SGPP1: variants seen among roughly 807,000 people sequenced by gnomAD.
The protein encoded by SGPP1 is hSPP1.
Under a neutral mutation model 33.0 loss-of-function variants are expected in SGPP1, and 21 were observed. That is an observed-to-expected ratio of 0.64 (90% CI 0.45 to 0.92). SGPP1 has a LOEUF of 0.92. SGPP1 is among the 40% of genes least tolerant of loss of function. SGPP1 has a pLI of 0.00. For missense variants in SGPP1, 543 were observed against 589.4 expected (o/e 0.92, Z 0.81); for synonymous variants, 239 against 241.2 (o/e 0.99, Z 0.08).
chr14:63,721,824 T>C (rs1885777331), intron 1 of SGPP1, among the ~76,000 whole-genome samples: 1 of 152,226 alleles, frequency 6.6e-6, no homozygotes, highest in African/African-American at 2.4e-5. Flanking sequence ...AGCATTTGAT[T>C]TCAGTCAACA....
rs940743128 is a variant in SGPP1 at position 63,703,110 on chromosome 14, C to T, written c.685-4452G>A. Among the ~76,000 whole-genome samples the T allele has an allele frequency of 5.9e-5, 9 of 151,892 alleles. No individual in the cohort carries two copies. In the South Asian group the frequency reaches 1.9e-3, roughly 32 times the overall value. On this transcript the variant is annotated intron_variant, in intron 1 of 2. Coordinates refer to ENST00000247225, the MANE Select transcript of SGPP1 (RefSeq NM_030791.4). ...CTAAAGATAGAAAATCCCAAATAAT[C>T]CATGAAGAAAACATATTAGAATTAA...
At chr14:63,700,292 A>G (rs1387002760) in intron 1 of SGPP1, among the ~76,000 whole-genome samples, 2 of 152,108 alleles carry the variant, frequency 1.3e-5, no homozygotes, top group Non-Finnish European at 2.9e-5. Context: ...AACTCTGCAC[A>G]TATTTCCACC....
chr14:63,724,815 G>A (rs1885844804), intron 1 of SGPP1, among the ~76,000 whole-genome samples: 1 of 150,910 alleles, frequency 6.6e-6, no homozygotes, highest in South Asian at 2.1e-4. Flanking sequence ...TTGAGATCAG[G>A]AGATTGCAGA....
At chr14:63,719,932 C>T (rs138068017) in intron 1 of SGPP1, among the ~76,000 whole-genome samples, 364 of 143,378 alleles carry the variant, frequency 2.5e-3, no homozygotes, top group Middle Eastern at 0.014. Context: ...CTGTCCAATA[C>T]GGTGAAACCC....
At chr14:63,722,439 G>C (rs574539279) in intron 1 of SGPP1, among the ~76,000 whole-genome samples, 23 of 151,412 alleles carry the variant, frequency 1.5e-4, no homozygotes, top group African/African-American at 5.3e-4. Flanking sequence ...GCTGAAGTAG[G>C]AGAACTACTT....
chr14:63,710,346 A>G (rs1319742456), intron 1 of SGPP1, among the ~76,000 whole-genome samples: 1 of 152,232 alleles, frequency 6.6e-6, no homozygotes, highest in Non-Finnish European at 1.5e-5. Context: ...ATAACATACA[A>G]TAATTATAAA....
intron 1 of SGPP1, among the ~76,000 whole-genome samples, chr14:63,717,525 T>G (rs575567193): frequency 6.6e-6 from 1 of 152,220 alleles, no homozygotes; most frequent in Non-Finnish European, 1.5e-5. Flanking sequence ...GGTTTCACCA[T>G]GTTAGCCAGA....
At chr14:63,688,833 T>C (rs1026484628) in intron 2 of SGPP1, among the ~76,000 whole-genome samples, 1 of 151,866 alleles carries the variant, frequency 6.6e-6, no homozygotes, top group African/African-American at 2.4e-5. Context: ...GCCATTCTCC[T>C]GCCTCGGCCT....
At chr14:63,708,897 C>T (rs916558035) in intron 1 of SGPP1, among the ~76,000 whole-genome samples, 2 of 152,196 alleles carry the variant, frequency 1.3e-5, no homozygotes. Flanking sequence ...AGTCTGATTC[C>T]TGAGTCTGAG....
At chr14:63,707,001 A>T (rs1204125278) in intron 1 of SGPP1, among the ~76,000 whole-genome samples, 1 of 146,466 alleles carries the variant, frequency 6.8e-6, no homozygotes, top group African/African-American at 2.6e-5. Context: ...AGATCATGCC[A>T]CTGCACTCCA....
chr14:63,697,185 T>TA (rs1423865969), intron 2 of SGPP1, among the ~76,000 whole-genome samples: 4 of 151,932 alleles, frequency 2.6e-5, no homozygotes, highest in African/African-American at 9.7e-5. Flanking sequence ...AAATTAAAAT[T>TA]TAAAAAAACC....
In SGPP1 at chr14:63,727,669, C is replaced by A. The variant is rs1305701342; in HGVS notation, c.276G>T (p.Gly92=). 3 of 1,338,742 alleles carry A rather than the reference C, an allele frequency of 2.2e-6. No homozygotes were observed. Among genetic ancestry groups the A allele is most frequent in the South Asian group, 1.9e-5 (1 of 52,338 alleles). The allele number at this position is 1,338,742 out of a possible 1,614,324, so 82.9% of individuals were successfully genotyped here. A position where few individuals can be genotyped will look rare whatever the true frequency, so the allele number is the denominator to read the frequency against. Residue 92 remains glycine, a synonymous_variant, in exon 1 of 3, where the codon GGG becomes GGT. Transcript: ENST00000247225. ...AGGCCGGGCCCAGCTCGGCCGCCAGCCCGTTCCGCACGCCGTTGGGGGCGC... is the reference window on the plus strand; with the variant it reads ...AGGCCGGGCCCAGCTCGGCCGCCAGACCGTTCCGCACGCCGTTGGGGGCGC... The part of the protein sequence containing the change: ...GGGAPNGVRN[G]LAAELGPASP...
chr14:63,695,203 C>A (rs565381795), intron 2 of SGPP1, among the ~76,000 whole-genome samples: 1 of 152,256 alleles, frequency 6.6e-6, no homozygotes, highest in South Asian at 2.1e-4. Context: ...ACTACAGGCG[C>A]CCGCCACCAC....
intron 1 of SGPP1, among the ~76,000 whole-genome samples, chr14:63,724,160 A>G (rs980205611): frequency 4.6e-5 from 7 of 152,102 alleles, no homozygotes; most frequent in African/African-American, 1.7e-4. Context: ...GTGTACAGGG[A>G]TGAACCACTA....
At chr14:63,717,789 C>T (rs1885666618) in intron 1 of SGPP1, among the ~76,000 whole-genome samples, 1 of 152,134 alleles carries the variant, frequency 6.6e-6, no homozygotes, top group African/African-American at 2.4e-5. Context: ...TGTTAAGGCA[C>T]ATCATTTTTA....
intron 2 of SGPP1, among the ~76,000 whole-genome samples, chr14:63,695,439 A>C (rs1021100098): frequency 3.3e-5 from 5 of 152,242 alleles, no homozygotes; most frequent in Admixed American, 6.5e-5. Flanking sequence ...TCTGACAACA[A>C]AATGTATTGT....
chr14:63,706,513 A>G (rs1227220525), intron 1 of SGPP1, among the ~76,000 whole-genome samples: 1 of 152,216 alleles, frequency 6.6e-6, no homozygotes, highest in African/African-American at 2.4e-5. Flanking sequence ...ACCTGCTGTA[A>G]GCCACCAGCA....
chr14:63,726,880 T>A (rs1298127064), intron 1 of SGPP1, among the ~76,000 whole-genome samples: 1 of 152,284 alleles, frequency 6.6e-6, no homozygotes, highest in Admixed American at 6.5e-5. Context: ...CACCATATAT[T>A]ACGGTGAAAC....
intron 1 of SGPP1, among the ~76,000 whole-genome samples, chr14:63,700,987 T>C (rs1472023436): frequency 6.8e-6 from 1 of 148,116 alleles, no homozygotes; most frequent in East Asian, 1.9e-4. Flanking sequence ...AACACAAGAT[T>C]TTTTTTTTTT....
Sources: allele counts gnomAD v4.1 joint callset (sites outside exome capture counted in the v4.1 genomes callset), GRCh38; gene constraint gnomAD v4.1.1; transcripts MANE v1.5; gene names NCBI Gene and HGNC (gene_info 2026-07-23, HGNC 2026-07-21).